Variants in ATP8B4 observed in about 807,000 individuals in gnomAD.
The protein encoded by ATP8B4 is ATPase phospholipid transporting 8B4 (putative).
ATP8B4 carries 133 observed loss-of-function variants against 145.6 expected under a neutral mutation model. That is an observed-to-expected ratio of 0.91 (90% CI 0.79 to 1.05). ATP8B4 has a LOEUF of 1.05. Among genes scored for constraint, ATP8B4 ranks in the 50% least tolerant of loss-of-function variants. The probability of loss-of-function intolerance (pLI) is 0.00; values close to 1 mark genes in which losing one functional copy is unlikely to be tolerated. For synonymous variants in ATP8B4, 507 were observed against 492.9 expected (o/e 1.03, Z -0.38); for missense variants, 1,458 against 1,425.2 (o/e 1.02, Z -0.37).
At chr15:49,862,736 T>C (rs2032068514) in intron 26 of ATP8B4, among the ~76,000 whole-genome samples, 2 of 152,126 alleles carry the variant, frequency 1.3e-5, no homozygotes. Flanking sequence ...ATTACAGGCG[T>C]GAGCCACCAC....
At chr15:49,984,566 A>G (rs550810674) in intron 10 of ATP8B4, among the ~76,000 whole-genome samples, 2 of 152,246 alleles carry the variant, frequency 1.3e-5, no homozygotes, top group African/African-American at 4.8e-5. Flanking sequence ...CCCTTAGAGT[A>G]AGAGTGGCCT....
rs551196713 is a variant in ATP8B4 at position 50,074,865 on chromosome 15, G to A, written c.29-680C>T. On this transcript the variant is annotated intron_variant, in intron 2 of 27. Coordinates refer to ENST00000284509, the MANE Select transcript of ATP8B4 (RefSeq NM_024837.4). Reference sequence around the variant, plus strand: ...GATAAGACAGTGCCCCAGAAACACCGGCAGAACAAGTTTAGTAGTAAGGGT... The same window carrying A: ...GATAAGACAGTGCCCCAGAAACACCAGCAGAACAAGTTTAGTAGTAAGGGT... 5.3e-5 allele frequency among the ~76,000 whole-genome samples: 8 copies of A among 152,246 alleles called. No homozygotes were observed. The South Asian group carries it at 6.2e-4, about 12-fold the overall frequency.
chr15:50,149,356 T>C (rs528082392), intron 1 of ATP8B4, among the ~76,000 whole-genome samples: 36 of 152,276 alleles, frequency 2.4e-4, no homozygotes, highest in African/African-American at 8.7e-4. Context: ...GATCTGGTGA[T>C]AGACTGCTGA....
chr15:49,898,077 T>C lies in ATP8B4; in HGVS notation c.2464A>G (p.Met822Val). 6.2e-7 allele frequency: 1 copy of C among 1,613,802 alleles called. No homozygotes were observed. The highest frequency in any genetic ancestry group is 1.1e-5 in the South Asian group (1 of 91,070). The part of the protein sequence containing the change: ...AIGDGANDVS[M>V]IKSAHIGVGI... ...GCAAATATCCTCTTACTTTTAATCA[T>C]GCTGACATCATTGGCTCCATCACCA... The change falls in exon 22 of 28, where the codon ATG (methionine) becomes GTG (valine). Residue 822 changes from methionine (M) to valine (V), a missense_variant. Transcript: ENST00000284509.
chr15:50,093,392 T>C (rs1325445151), intron 2 of ATP8B4, among the ~76,000 whole-genome samples: 1 of 152,044 alleles, frequency 6.6e-6, no homozygotes, highest in Non-Finnish European at 1.5e-5. Flanking sequence ...AGCATAAAAA[T>C]TTGATTAAAA....
intron 1 of ATP8B4, among the ~76,000 whole-genome samples, chr15:50,141,117 TTCTTAAG>T (rs1395605235): frequency 1.3e-5 from 2 of 152,070 alleles, no homozygotes; most frequent in Non-Finnish European, 2.9e-5. Flanking sequence ...CTTTCCCCTT[TTCTTAAG>T]TCTGACTCCA....
chr15:49,946,783 G>A (rs2042603954), intron 14 of ATP8B4, among the ~76,000 whole-genome samples: 2 of 152,148 alleles, frequency 1.3e-5, no homozygotes, highest in South Asian at 4.1e-4. Context: ...TGAAGAAGCA[G>A]GGGCTGCCCC....
chr15:49,969,994 C>A (rs963146063), intron 13 of ATP8B4, among the ~76,000 whole-genome samples: 1 of 152,170 alleles, frequency 6.6e-6, no homozygotes, highest in Admixed American at 6.5e-5. Flanking sequence ...TATAATCCAT[C>A]ACATAAACAG....
intron 22 of ATP8B4, 86 bp downstream of exon 22, chr15:49,897,982 T>C (rs982561196): frequency 1.4e-5 from 20 of 1,402,910 alleles, no homozygotes; most frequent in Non-Finnish European, 2.0e-5. Context: ...TAAATTTTAA[T>C]GCAATCTAGT....
Position 49,860,304 on chromosome 15 carries a change from A to G in ATP8B4, c.3469T>C (p.Ser1157Pro), listed in dbSNP as rs757882616. The G allele has an allele frequency of 2.5e-6, 4 of 1,614,096 alleles. No homozygotes were observed. The highest frequency in any genetic ancestry group is 3.4e-6 in the Non-Finnish European group (4 of 1,180,002). ...TTATAATGTGTCTTTTCCAGCCCTGATGTTGGGGGTGGATTTTTAGCTCGC... is the reference window on the plus strand; with the variant it reads ...TTATAATGTGTCTTTTCCAGCCCTGGTGTTGGGGGTGGATTTTTAGCTCGC... Reference protein sequence around the residue: ...NMRAKNPPPTSGLEKTHYNST... With the variant: ...NMRAKNPPPTPGLEKTHYNST... The change falls in exon 28 of 28, where the codon TCA becomes CCA. Residue 1157 changes from serine (S) to proline (P), a missense_variant. Ser to Pro is a moderately conservative substitution (Grantham distance 74, BLOSUM62 -1). Coordinates refer to ENST00000284509, the MANE Select transcript of ATP8B4 (RefSeq NM_024837.4).
intron 1 of ATP8B4, among the ~76,000 whole-genome samples, chr15:50,113,825 C>T (rs1273006964): frequency 3.1e-5 from 3 of 97,720 alleles, no homozygotes; most frequent in African/African-American, 8.4e-5. Flanking sequence ...GGCAACAACA[C>T]GAAACTCCAT....
chr15:50,047,520 A>T lies in ATP8B4; in HGVS notation c.88-56T>A. The T allele has an allele frequency of 5.7e-6, 6 of 1,059,806 alleles. No homozygotes were observed. The South Asian group carries it at 6.4e-5, about 11-fold the overall frequency. The allele number at this position is 1,059,806 out of a possible 1,614,324, so 65.7% of individuals were successfully genotyped here. A position where few individuals can be genotyped will look rare whatever the true frequency, so the allele number is the denominator to read the frequency against. ...GGGCAAGGCATTGCTCATGATCAGA[A>T]ATAGCTCTAAAACCTACAAGCCTGA... On this transcript the variant is annotated intron_variant, in intron 3 of 27. Coordinates refer to ENST00000284509, the MANE Select transcript of ATP8B4 (RefSeq NM_024837.4).
chr15:50,053,692 T>C (rs1181828015), intron 3 of ATP8B4, among the ~76,000 whole-genome samples: 1 of 152,066 alleles, frequency 6.6e-6, no homozygotes, highest in East Asian at 1.9e-4. Flanking sequence ...AAGTCCTTTA[T>C]ATTTCCAGCA....
intron 1 of ATP8B4, among the ~76,000 whole-genome samples, chr15:50,160,225 G>GCAC (rs1160367476): frequency 9.9e-5 from 15 of 151,338 alleles, no homozygotes; most frequent in Non-Finnish European, 7.4e-5. Context: ...TTCCATTTCT[G>GCAC]CAGTATTGGT....
intron 2 of ATP8B4, 27 bp from the exon 3 acceptor site, chr15:50,074,212 A>G: frequency 6.3e-7 from 1 of 1,588,498 alleles, no homozygotes; most frequent in Non-Finnish European, 8.6e-7. Context: ...CAAGTATGAA[A>G]TTAAATTGTA....
intron 1 of ATP8B4, among the ~76,000 whole-genome samples, chr15:50,110,475 C>T (rs142817006): frequency 1.3e-5 from 2 of 152,308 alleles, no homozygotes; most frequent in East Asian, 3.9e-4. Flanking sequence ...AGTCATCTTT[C>T]ATTGAACTTT....
chr15:49,924,440 G>A (rs2040530229), intron 16 of ATP8B4, among the ~76,000 whole-genome samples: 1 of 152,042 alleles, frequency 6.6e-6, no homozygotes, highest in Admixed American at 6.6e-5. Flanking sequence ...CATCAGTTCA[G>A]TCAAAGATCA....
At chr15:50,093,857 A>T (rs1162680434) in intron 2 of ATP8B4, among the ~76,000 whole-genome samples, 1 of 152,208 alleles carries the variant, frequency 6.6e-6, no homozygotes, top group Admixed American at 6.5e-5. Context: ...TATCAGATAA[A>T]TTAAACTTTA....
Position 49,931,143 on chromosome 15 carries a change from T to C in ATP8B4, c.1618A>G (p.Thr540Ala), listed in dbSNP as rs762638958. ...CCTATGACAGACATCCTTTTTCTGG[T>C]GTTGTTGAAATCCAAAAAGGCAAGT... The part of the protein sequence containing the change: ...QLLAFLDFNN[T>A]RKRMSVIVRN... The change falls in exon 16 of 28, where the codon ACC becomes GCC. Residue 540 changes from threonine (T) to alanine (A), a missense_variant. Physicochemically the swap from Thr to Ala is moderately conservative, Grantham distance 58. Transcript: ENST00000284509. 5 of 1,611,698 alleles carry C rather than the reference T, an allele frequency of 3.1e-6. No homozygotes were observed. In the Admixed American group the frequency reaches 6.7e-5, roughly 22 times the overall value.
Sources: allele counts gnomAD v4.1 joint callset (sites outside exome capture counted in the v4.1 genomes callset), GRCh38; gene constraint gnomAD v4.1.1; transcripts MANE v1.5; gene names NCBI Gene and HGNC (gene_info 2026-07-23, HGNC 2026-07-21).